DST: variants seen among roughly 807,000 people sequenced by gnomAD.
The protein encoded by DST is dystonin.
In DST, 253 loss-of-function variants were observed where a neutral mutation model predicts 875.2. The observed-to-expected ratio is 0.29, with a 90% confidence interval of 0.26 to 0.32. DST has a LOEUF of 0.32. Among genes scored for constraint, DST ranks in the 10% least tolerant of loss-of-function variants. The pLI is 1.00. For missense variants in DST, 8,287 were observed against 9,111.6 expected, an observed-to-expected ratio of 0.91 and a Z score of 3.68; for synonymous variants, 3,124 against 3,197.1, an observed-to-expected ratio of 0.98 and a Z score of 0.77.
rs2094811151 is a variant in DST at position 56,470,121 on chromosome 6, T to A, written c.22476+7A>T. On this transcript the variant is annotated splice_region_variant and intron_variant, in intron 96 of 103. Coordinates refer to ENST00000680361, the MANE Select transcript of DST (RefSeq NM_001374736.1). ...AGTGTTGTACGCAATGGGAAGATAATGAGTACCTCATCTTCGATTTTGTCG... is the reference window on the plus strand; with the variant it reads ...AGTGTTGTACGCAATGGGAAGATAAAGAGTACCTCATCTTCGATTTTGTCG... The A allele has an allele frequency of 6.2e-7, 1 of 1,611,866 alleles. No homozygotes were observed. Among genetic ancestry groups the A allele is most frequent in the East Asian group, 2.2e-5 (1 of 44,842 alleles).
intron 3 of DST, among the ~76,000 whole-genome samples, chr6:56,856,225 C>G (rs535113864): frequency 6.6e-6 from 1 of 152,266 alleles, no homozygotes; most frequent in East Asian, 1.9e-4. Flanking sequence ...GGTGGGGGAT[C>G]TGAGATAAGT....
intron 36 of DST, among the ~76,000 whole-genome samples, chr6:56,623,411 T>TGA (rs1338276952): frequency 3.3e-5 from 5 of 152,194 alleles, no homozygotes; most frequent in Admixed American, 2.0e-4. Flanking sequence ...CTTTCATAGA[T>TGA]GAGAGATGCA....
chr6:56,578,230 T>G (rs1275707062), intron 50 of DST, among the ~76,000 whole-genome samples: 1 of 152,100 alleles, frequency 6.6e-6, no homozygotes, highest in Non-Finnish European at 1.5e-5. Flanking sequence ...AAAAATTAGC[T>G]GCACATGACA....
intron 49 of DST, among the ~76,000 whole-genome samples, chr6:56,583,213 C>T (rs914532055): frequency 2.0e-5 from 3 of 152,200 alleles, no homozygotes; most frequent in Non-Finnish European, 4.4e-5. Context: ...GTCCCACCAA[C>T]AGTGTAAAAG....
At chr6:56,741,129 A>T (rs2099545457) in intron 4 of DST, among the ~76,000 whole-genome samples, 1 of 152,346 alleles carries the variant, frequency 6.6e-6, no homozygotes, top group Admixed American at 6.5e-5. Flanking sequence ...CTAATTACTT[A>T]CCAAAGCAGT....
In DST at chr6:56,572,168, A is replaced by T. The variant is rs1186662665; in HGVS notation, c.13653T>A (p.Ala4551=). ...ISSHGLPSDK[A]LVLEKTNNLS... The stretch of plus-strand genomic sequence containing the variant: ...AATTATTTGTTTTTTCAAGGACCAA[A>T]GCCTTATCACTTGGTAAGCCATGGC... The change falls in exon 53 of 104, where the codon GCT becomes GCA. Residue 4551 remains alanine (A), a synonymous_variant. Transcript: ENST00000680361. 2 of 1,551,772 alleles carry T rather than the reference A, an allele frequency of 1.3e-6. No individual in the cohort carries two copies. Among genetic ancestry groups the T allele is most frequent in the African/African-American group, 2.7e-5 (2 of 73,862 alleles).
intron 4 of DST, among the ~76,000 whole-genome samples, chr6:56,766,951 T>A (rs2099634950): frequency 6.6e-6 from 1 of 152,214 alleles, no homozygotes; most frequent in Non-Finnish European, 1.5e-5. Flanking sequence ...CTGTTTTGAC[T>A]TGGCTCATGC....
At chr6:56,843,253 G>A (rs554830264) in intron 4 of DST, 18 of 1,286,190 alleles carry the variant, frequency 1.4e-5, no homozygotes, top group Non-Finnish European at 1.6e-5. Flanking sequence ...AAAAGAGGAA[G>A]GAGCAGCACG....
chr6:56,599,155 C>T (rs2098419677), intron 45 of DST, among the ~76,000 whole-genome samples: 1 of 152,042 alleles, frequency 6.6e-6, no homozygotes. Context: ...CTTTTCTAAA[C>T]ACCAGAATCT....
At chr6:56,701,619 C>T (rs2099307930) in intron 8 of DST, among the ~76,000 whole-genome samples, 1 of 152,112 alleles carries the variant, frequency 6.6e-6, no homozygotes, top group East Asian at 1.9e-4. Flanking sequence ...TAGGCAAATG[C>T]AATCCAATTC....
chr6:56,824,626 T>G (rs1007786485), intron 4 of DST, among the ~76,000 whole-genome samples: 3 of 150,056 alleles, frequency 2.0e-5, no homozygotes, highest in Non-Finnish European at 4.4e-5. Context: ...CTGCCCCGTC[T>G]GGGATGTGAG....
At chr6:56,624,183 AAAG>A (rs1394798504) in intron 36 of DST, among the ~76,000 whole-genome samples, 1 of 152,132 alleles carries the variant, frequency 6.6e-6, no homozygotes, top group Non-Finnish European at 1.5e-5. Context: ...ACTATACTTC[AAAG>A]AAGTATACCT....
intron 3 of DST, among the ~76,000 whole-genome samples, chr6:56,889,522 T>C (rs1394283619): frequency 6.6e-6 from 1 of 152,194 alleles, no homozygotes; most frequent in Non-Finnish European, 1.5e-5. Context: ...AAGCTGCAGC[T>C]TTGGCAATAA....
intron 1 of DST, 48 bp downstream of exon 1, chr6:56,954,359 C>A (rs545551642): frequency 7.6e-7 from 1 of 1,318,906 alleles, no homozygotes; most frequent in Non-Finnish European, 1.0e-6. Context: ...TCCAAATCGG[C>A]TTAATTGTTC....
Position 56,604,606 on chromosome 6 carries a change from T to G in DST, c.10022A>C (p.Glu3341Ala). 6.2e-7 allele frequency: 1 copy of G among 1,612,068 alleles called. No homozygotes were observed. The highest frequency in any genetic ancestry group is 1.7e-5 in the Admixed American group (1 of 59,732). The part of the protein sequence containing the change: ...QALSPRSQEK[E>A]VQIPELSQVF... ...CTGAGACAATTCAGGAATCTGAACC[T>G]CCTTTTCTTGGGATCTTGGAGACAA... Residue 3341 changes from glutamate (E) to alanine (A), a missense_variant, in exon 40 of 104, where the codon GAG (glutamate) becomes GCG (alanine). By Grantham distance (107) the Glu-to-Ala change is moderately radical. Transcript: ENST00000680361.
At chr6:56,861,491 G>A (rs945189932) in intron 3 of DST, among the ~76,000 whole-genome samples, 5 of 152,234 alleles carry the variant, frequency 3.3e-5, no homozygotes, top group Non-Finnish European at 7.4e-5. Flanking sequence ...CATTCCAAAT[G>A]TCCTTAACAA....
chr6:56,560,925 C>T (rs1029003663), intron 57 of DST, among the ~76,000 whole-genome samples: 5 of 152,026 alleles, frequency 3.3e-5, no homozygotes, highest in African/African-American at 1.2e-4. Flanking sequence ...GAAAGAAATA[C>T]CCTCTATTAA....
In DST at chr6:56,801,714, T is replaced by C. The variant is rs182539969; in HGVS notation, c.625+49683A>G. On this transcript the variant is annotated intron_variant, in intron 4 of 103. Transcript: ENST00000680361. ...AAGTGATAATATAAAATGTATTTAA[T>C]GTTCTAATCTTACTAATACAAGTCA... is the stretch of plus-strand genomic sequence containing the variant. Among the ~76,000 whole-genome samples, 212 of 152,036 alleles carry C rather than the reference T, an allele frequency of 1.4e-3. 3 individuals carry two copies. Among genetic ancestry groups the C allele is most frequent in the Non-Finnish European group, 2.2e-4 (15 of 67,994 alleles).
chr6:56,571,230 A>G (rs1032665284), intron 53 of DST, among the ~76,000 whole-genome samples: 1 of 152,246 alleles, frequency 6.6e-6, no homozygotes, highest in Admixed American at 6.5e-5. Context: ...ACTGGCAGAT[A>G]AGAATGCACT....
Sources: gnomAD v4.1 joint callset for allele counts (sites outside exome capture counted in the v4.1 genomes callset) on GRCh38, gnomAD v4.1.1 for gene constraint, MANE v1.5 for transcripts, NCBI Gene and HGNC (gene_info 2026-07-23, HGNC 2026-07-21) for gene names.